Variants in SKAP1 observed in about 807,000 individuals in gnomAD.
SKAP1 encodes the protein src kinase-associated phosphoprotein 1.
Under a neutral mutation model 58.5 loss-of-function variants are expected in SKAP1, and 44 were observed. The observed-to-expected ratio is 0.75, with a 90% confidence interval of 0.59 to 0.97. The LOEUF (loss-of-function observed/expected upper bound fraction) is 0.97, where lower values mean the gene tolerates loss of function less well. Among genes scored for constraint, SKAP1 ranks in the 50% least tolerant of loss-of-function variants. The pLI is 0.00. For synonymous variants in SKAP1, 127 were observed against 149.7 expected (o/e 0.85, Z 1.11); for missense variants, 390 against 435.2 (o/e 0.90, Z 0.92).
At chr17:48,184,696 G>T in intron 7 of SKAP1, 27 bp downstream of exon 7, 1 of 1,613,716 alleles carries the variant, frequency 6.2e-7, no homozygotes, top group Non-Finnish European at 8.5e-7. Context: ...CACCAAGAAG[G>T]ATCACCATCT....
upstream of SKAP1, among the ~76,000 whole-genome samples, chr17:48,432,645 T>A (rs1158918938): frequency 6.6e-6 from 1 of 152,018 alleles, no homozygotes; most frequent in African/African-American, 2.4e-5. Flanking sequence ...TCATCTCAAT[T>A]TTTTTTTGGT....
At chr17:48,344,255 A>G in intron 4 of SKAP1, 1 of 582,054 alleles carries the variant, frequency 1.7e-6, no homozygotes, top group South Asian at 7.7e-5. Flanking sequence ...CTTGTTTCTT[A>G]CCTTAATCTT....
chr17:48,366,844 G>T (rs1253086907), intron 2 of SKAP1, among the ~76,000 whole-genome samples: 1 of 152,002 alleles, frequency 6.6e-6, no homozygotes, highest in Non-Finnish European at 1.5e-5. Context: ...GTGCATACAT[G>T]TATGTGCACA....
intron 4 of SKAP1, among the ~76,000 whole-genome samples, chr17:48,299,404 T>C (rs2066028465): frequency 6.6e-6 from 1 of 152,236 alleles, no homozygotes; most frequent in African/African-American, 2.4e-5. Context: ...TTTTCCATCC[T>C]TCAGTATTTC....
At chr17:48,304,256 A>G (rs545982406) in intron 4 of SKAP1, among the ~76,000 whole-genome samples, 1 of 152,328 alleles carries the variant, frequency 6.6e-6, no homozygotes, top group Non-Finnish European at 1.5e-5. Context: ...ACTTTTAAAT[A>G]CAGATAAGGA....
intron 11 of SKAP1, among the ~76,000 whole-genome samples, chr17:48,138,416 C>G (rs542992847): frequency 5.0e-4 from 76 of 150,728 alleles, no homozygotes; most frequent in African/African-American, 1.8e-3. Flanking sequence ...GTCTCCCAGG[C>G]TGGAGTGCAG....
intron 4 of SKAP1, among the ~76,000 whole-genome samples, chr17:48,201,395 T>C (rs1567818366): frequency 6.6e-6 from 1 of 151,700 alleles, no homozygotes; most frequent in Non-Finnish European, 1.5e-5. Flanking sequence ...CTCTCTTTCT[T>C]TTTTGAGACA....
intron 1 of SKAP1, among the ~76,000 whole-genome samples, chr17:48,424,967 A>G (rs1280420361): frequency 7.2e-6 from 1 of 139,720 alleles, no homozygotes; most frequent in Non-Finnish European, 1.6e-5. Flanking sequence ...GAAAATGAAA[A>G]CCCTCAGTAA....
chr17:48,368,528 C>T (rs1373302294), intron 2 of SKAP1, among the ~76,000 whole-genome samples: 1 of 152,160 alleles, frequency 6.6e-6, no homozygotes, highest in Non-Finnish European at 1.5e-5. Context: ...TCATATCAGG[C>T]CTGTGCAGAT....
intron 4 of SKAP1, among the ~76,000 whole-genome samples, chr17:48,272,649 G>A (rs1158654632): frequency 6.6e-6 from 1 of 152,060 alleles, no homozygotes; most frequent in African/African-American, 2.4e-5. Flanking sequence ...TCTGCCCATT[G>A]GGCTCAAGTG....
chr17:48,224,088 A>G (rs8069398), intron 4 of SKAP1, among the ~76,000 whole-genome samples: 21,393 of 56,508 alleles, frequency 0.38, 6,597 homozygotes, highest in South Asian at 0.43. Flanking sequence ...AGGAGGAGGA[A>G]GAGGAGGAGG....
At chr17:48,422,070 G>C (rs963633036) in intron 1 of SKAP1, among the ~76,000 whole-genome samples, 1 of 152,098 alleles carries the variant, frequency 6.6e-6, no homozygotes, top group Non-Finnish European at 1.5e-5. Flanking sequence ...AATTAGCTGG[G>C]CTTGGTGGTG....
intron 1 of SKAP1, among the ~76,000 whole-genome samples, chr17:48,413,523 A>AAAAAAAAATAT: frequency 9.5e-6 from 1 of 105,454 alleles, no homozygotes; most frequent in African/African-American, 4.3e-5. Context: ...TCAAAAAAAA[A>AAAAAAAAATAT]ATATATATAT....
At chr17:48,173,330 T>C (rs902363502) in intron 9 of SKAP1, among the ~76,000 whole-genome samples, 3 of 152,194 alleles carry the variant, frequency 2.0e-5, no homozygotes, top group Non-Finnish European at 2.9e-5. Flanking sequence ...ACTTGACACC[T>C]GTAGTGCTCC....
intron 7 of SKAP1, among the ~76,000 whole-genome samples, chr17:48,183,397 C>CAAAAT (rs1199117046): frequency 2.0e-5 from 3 of 152,116 alleles, no homozygotes; most frequent in Non-Finnish European, 4.4e-5. Context: ...TTCTGATTAA[C>CAAAAT]AAAATAGGCC....
chr17:48,413,469 G>A (rs1435465209), intron 1 of SKAP1, among the ~76,000 whole-genome samples: 6 of 141,780 alleles, frequency 4.2e-5, no homozygotes, highest in African/African-American at 8.1e-5. Context: ...AGCCAAGATC[G>A]TGCCATTGCA....
Position 48,379,592 on chromosome 17 carries a change from G to A in SKAP1, c.153-15778C>T, listed in dbSNP as rs145178309. On this transcript the variant is annotated intron_variant, in intron 2 of 12. Coordinates refer to ENST00000336915, the MANE Select transcript of SKAP1 (RefSeq NM_003726.4). ...ATTATTTCACACTTTTCCTAAATTC[G>A]TACCATTTTACTTAATCCAGATTAT... is the stretch of plus-strand genomic sequence containing the variant. 3.3e-3 allele frequency among the ~76,000 whole-genome samples: 494 copies of A among 151,504 alleles called. 3 individuals are homozygous for A. The highest frequency in any genetic ancestry group is 0.011 in the African/African-American group (464 of 41,258).
At chr17:48,392,141 A>G (rs1006123958) in intron 2 of SKAP1, among the ~76,000 whole-genome samples, 1 of 152,164 alleles carries the variant, frequency 6.6e-6, no homozygotes, top group Non-Finnish European at 1.5e-5. Context: ...TTCTTAAGCT[A>G]AATCTTGTTT....
intron 3 of SKAP1, among the ~76,000 whole-genome samples, chr17:48,358,510 A>G (rs1384422806): frequency 6.6e-6 from 1 of 152,216 alleles, no homozygotes; most frequent in Non-Finnish European, 1.5e-5. Flanking sequence ...GACACCATAT[A>G]GCAAAAAGCT....
Sources: allele counts gnomAD v4.1 joint callset (sites outside exome capture counted in the v4.1 genomes callset), GRCh38; gene constraint gnomAD v4.1.1; transcripts MANE v1.5; gene names NCBI Gene and HGNC (gene_info 2026-07-23, HGNC 2026-07-21).